Variants in ECE1 observed in about 807,000 individuals in gnomAD.
ECE1 encodes endothelin-converting enzyme 1.
In ECE1, 35 loss-of-function variants were observed where a neutral mutation model predicts 98.6. The ratio of observed to expected loss-of-function variants is 0.35; its 90% confidence interval spans 0.27 to 0.47. The LOEUF (loss-of-function observed/expected upper bound fraction) is 0.47, where lower values mean the gene tolerates loss of function less well. ECE1 is among the 20% of genes least tolerant of loss of function. The probability of loss-of-function intolerance (pLI) is 1.00; values close to 1 mark genes in which losing one functional copy is unlikely to be tolerated. For synonymous variants in ECE1, 394 were observed against 407.1 expected (o/e 0.97, Z 0.39); for missense variants, 814 against 1,025.3 (o/e 0.79, Z 2.81).
chr1:21,231,882 C>T (rs1049306831), intron 14 of ECE1, among the ~76,000 whole-genome samples: 8 of 152,160 alleles, frequency 5.3e-5, no homozygotes, highest in African/African-American at 1.7e-4. Context: ...TCAAAGCGTT[C>T]GAATTACAGG....
intron 1 of ECE1, among the ~76,000 whole-genome samples, chr1:21,297,185 C>T (rs1156846507): frequency 6.6e-6 from 1 of 152,242 alleles, no homozygotes; most frequent in African/African-American, 2.4e-5. Flanking sequence ...TCACATGGCC[C>T]AGTGTTGACT....
At position 21,219,783 on chromosome 1, in the gene ECE1, G is replaced by A. The variant is rs1040528092; in HGVS notation, c.*172C>T. The A allele has an allele frequency of 1.0e-5, 8 of 776,212 alleles. No homozygotes were observed. Among genetic ancestry groups the A allele is most frequent in the African/African-American group, 6.8e-5 (4 of 58,684 alleles). The allele number at this position is 776,212 out of a possible 1,614,324, so 48.1% of individuals were successfully genotyped here. On this transcript the variant is annotated 3_prime_UTR_variant, in exon 19 of 19. Transcript: ENST00000374893. The surrounding 1 kb of genome is among the most constrained non-coding windows in gnomAD (Gnocchi z 4.5). ...CCGGCTCTTCACAGGGGATCAGACT[G>A]CGGGTCACGTTGAGAGCCAACACCA...
intron 1 of ECE1, among the ~76,000 whole-genome samples, chr1:21,336,431 A>C (rs1207180608): frequency 1.3e-5 from 2 of 152,196 alleles, no homozygotes; most frequent in African/African-American, 4.8e-5. Flanking sequence ...GTGGTGGCTC[A>C]CACCTGTAAT....
At chr1:21,343,520 G>A (rs550813821) in intron 1 of ECE1, among the ~76,000 whole-genome samples, 22 of 152,334 alleles carry the variant, frequency 1.4e-4, no homozygotes, top group East Asian at 1.2e-3. Flanking sequence ...ACTTCCCAGC[G>A]TGGGCTCAAG....
chr1:21,236,863 C>T lies in ECE1; in HGVS notation c.1390-19G>A. 4 of 1,608,744 alleles carry T rather than the reference C, an allele frequency of 2.5e-6. No homozygotes were observed. The highest frequency in any genetic ancestry group is 3.4e-6 in the Non-Finnish European group (4 of 1,175,804). On this transcript the variant is annotated intron_variant, in intron 11 of 18. Transcript: ENST00000374893. ...CGGTGGCCTGAGGAGATACACATCA[C>T]AGCAGTAAGGTCTGCGCACTGGTCT...
chr1:21,325,326 T>G (rs941648263), intron 1 of ECE1, among the ~76,000 whole-genome samples: 3 of 152,212 alleles, frequency 2.0e-5, no homozygotes, highest in Non-Finnish European at 4.4e-5. Context: ...GCGGTTCCCC[T>G]TCAGCGGTGA....
intron 1 of ECE1, among the ~76,000 whole-genome samples, chr1:21,337,034 T>C (rs1178965470): frequency 6.6e-6 from 1 of 151,900 alleles, no homozygotes; most frequent in East Asian, 1.9e-4. Flanking sequence ...TGAAAGTCCA[T>C]CTCAAAAAAA....
intron 1 of ECE1, chr1:21,298,927 T>C (rs1418485531): frequency 6.6e-6 from 3 of 455,622 alleles, no homozygotes; most frequent in Non-Finnish European, 1.3e-5. Context: ...AGAAAGCAGC[T>C]GGTCCTGACT....
chr1:21,222,778 G>A (rs1451418709), intron 17 of ECE1, among the ~76,000 whole-genome samples: 1 of 139,692 alleles, frequency 7.2e-6, no homozygotes, highest in Non-Finnish European at 1.5e-5. Flanking sequence ...GAAGGCAGAG[G>A]TTGCAGTGAG....
chr1:21,291,872 C>T (rs1189300874), upstream of ECE1, among the ~76,000 whole-genome samples: 4 of 151,910 alleles, frequency 2.6e-5, no homozygotes, highest in Admixed American at 2.6e-4. Context: ...TGGTTCACAC[C>T]TGTAATCCCA....
At chr1:21,323,941 CCTT>C (rs1457406171) in intron 1 of ECE1, among the ~76,000 whole-genome samples, 1 of 151,676 alleles carries the variant, frequency 6.6e-6, no homozygotes, top group Non-Finnish European at 1.5e-5. Flanking sequence ...GCCTCAGCCT[CCTT>C]GAGTAGCTGG....
chr1:21,243,092 G>C (rs1282638972), intron 10 of ECE1, among the ~76,000 whole-genome samples: 5 of 152,204 alleles, frequency 3.3e-5, no homozygotes, highest in Non-Finnish European at 7.3e-5. Context: ...GAGTGGTACA[G>C]AGCTCAGGGC....
At chr1:21,294,006 G>A (rs1398628075), upstream of ECE1, 1 of 152,538 alleles carries the variant, frequency 6.6e-6, no homozygotes, top group Non-Finnish European at 1.5e-5. This position sits in a 1 kb window ranked among gnomAD's most constrained non-coding sequence, Gnocchi z 4.2. Context: ...AGAGGAGAAA[G>A]GACCTCCCCC....
intron 8 of ECE1, among the ~76,000 whole-genome samples, chr1:21,255,149 A>ATT (rs2098218261): frequency 6.6e-6 from 1 of 152,210 alleles, no homozygotes; most frequent in African/African-American, 2.4e-5. Context: ...AGTAGAAGGA[A>ATT]CGGACAACAG....
intron 8 of ECE1, among the ~76,000 whole-genome samples, chr1:21,253,182 G>A (rs1327443406): frequency 1.3e-5 from 2 of 151,812 alleles, no homozygotes; most frequent in African/African-American, 4.8e-5. Flanking sequence ...TCAGCCTACC[G>A]AGTAGCTGGG....
At position 21,220,050 on chromosome 1, in the gene ECE1, T is replaced by C. The variant is rs1306855041; in HGVS notation, c.2218A>G (p.Ile740Val). 4 of 1,614,240 alleles carry C rather than the reference T, an allele frequency of 2.5e-6. No individual in the cohort carries two copies. Among genetic ancestry groups the C allele is most frequent in the East Asian group, 4.5e-5 (2 of 44,890 alleles). ...DPHSPSRFRVIGSLSNSKEFS... is the reference protein window; with the variant it reads ...DPHSPSRFRVVGSLSNSKEFS... The stretch of plus-strand genomic sequence containing the variant: ...TCCTTGGAATTGGAGAGGGAGCCGA[T>C]GACCCGGAAGCGAGAGGGGCTGTGG... The change falls in exon 19 of 19, where the codon ATC (isoleucine) becomes GTC (valine). Residue 740 changes from isoleucine to valine, a missense_variant. Physicochemically the swap from Ile to Val is conservative, Grantham distance 29. Around this residue, in one of 3 missense-constraint regions of ECE1, gnomAD observed 452 missense variants for 567.3 expected, o/e 0.80. Transcript: ENST00000374893. This position sits in a 1 kb window ranked among gnomAD's most constrained non-coding sequence, Gnocchi z 5.0.
At chr1:21,263,323 G>A (rs1274998247) in intron 4 of ECE1, among the ~76,000 whole-genome samples, 1 of 152,032 alleles carries the variant, frequency 6.6e-6, no homozygotes, top group Non-Finnish European at 1.5e-5. Flanking sequence ...AGGGTGATGA[G>A]GCCGGATGCC....
In ECE1 at chr1:21,304,393, G is replaced by A. The variant is rs1638552735; in HGVS notation, c.4-14237C>T. Among the ~76,000 whole-genome samples the A allele has an allele frequency of 2.6e-5, 4 of 151,302 alleles. No individual in the cohort carries two copies. The South Asian group carries it at 8.3e-4, about 32-fold the overall frequency. On this transcript the variant is annotated intron_variant, in intron 1 of 18. Transcript: ENST00000415912. Reference sequence around the variant, plus strand: ...TCTCCACGTGGTGGCTGGGGCTGAGGAGTGGCCACCTCCTCTGGACAGGCC... The same window carrying A: ...TCTCCACGTGGTGGCTGGGGCTGAGAAGTGGCCACCTCCTCTGGACAGGCC...
In ECE1 at chr1:21,342,778, C is replaced by T. The variant is rs530502363; in HGVS notation, c.3+2598G>A. Reference sequence around the variant, plus strand: ...CAGGGAATAAACACTTGATCAGTCCCGAATCACCCCTGCCTCAGGAATGAC... The same window carrying T: ...CAGGGAATAAACACTTGATCAGTCCTGAATCACCCCTGCCTCAGGAATGAC... On this transcript the variant is annotated intron_variant, in intron 1 of 18. Transcript: ENST00000415912. 2.0e-5 allele frequency among the ~76,000 whole-genome samples: 3 copies of T among 152,244 alleles called. No individual in the cohort carries two copies. The South Asian group carries it at 6.2e-4, about 32-fold the overall frequency.
Sources: gnomAD v4.1 joint callset for allele counts (sites outside exome capture counted in the v4.1 genomes callset) on GRCh38, gnomAD v4.1.1 for gene constraint, gnomAD v4.1.1 regional missense constraint, Gnocchi (gnomAD v3.1) non-coding constraint, MANE v1.5 for transcripts, NCBI Gene and HGNC (gene_info 2026-07-23, HGNC 2026-07-21) for gene names.